HIF3A: variants seen among roughly 807,000 people sequenced by gnomAD.
The protein encoded by HIF3A is hypoxia-inducible factor 3-alpha.
In HIF3A, 41 loss-of-function variants were observed where a neutral mutation model predicts 67.2. That is an observed-to-expected ratio of 0.61 (90% confidence interval 0.48 to 0.79). The LOEUF (loss-of-function observed/expected upper bound fraction) is 0.79. HIF3A is among the 30% of genes least tolerant of loss of function. HIF3A has a pLI of 0.00. For synonymous variants in HIF3A, 356 were observed against 374.8 expected (o/e 0.95, Z 0.58); for missense variants, 855 against 898.0 (o/e 0.95, Z 0.61).
At chr19:46,308,851 G>A in intron 5 of HIF3A, 76 bp downstream of exon 5, 4 of 1,039,126 alleles carry the variant, frequency 3.8e-6, no homozygotes, top group East Asian at 2.6e-5. Context: ...GAAGGGTGCT[G>A]GAGTCCAGGC....
intron 8 of HIF3A, chr19:46,313,079 G>A (rs1441185002): frequency 9.1e-6 from 7 of 765,544 alleles, no homozygotes; most frequent in East Asian, 1.3e-4. Flanking sequence ...ACGAAATGCT[G>A]TTTCTACTAA....
chr19:46,329,648 G>C (rs1318739442), intron 12 of HIF3A, among the ~76,000 whole-genome samples, 170 bp downstream of exon 12: 2 of 152,140 alleles, frequency 1.3e-5, no homozygotes, highest in Non-Finnish European at 2.9e-5. Flanking sequence ...CTGTGCCTTT[G>C]CCTAGGCTGT....
At chr19:46,302,575 T>A (rs1471828677) in intron 1 of HIF3A, among the ~76,000 whole-genome samples, 2 of 152,186 alleles carry the variant, frequency 1.3e-5, no homozygotes, top group Non-Finnish European at 2.9e-5. Flanking sequence ...CTTCCGGCTA[T>A]AATTTTGTAT....
chr19:46,342,146 C>T lies in HIF3A; in HGVS notation c.*2524C>T, dbSNP rs1384568852. On this transcript the variant is annotated 3_prime_UTR_variant, in exon 15 of 15. Transcript: ENST00000377670. ...ACTGACTTACAAGTGCCTTCTGATT[C>T]TAGACCTCATTCCGTAAGTTCCCTT... The T allele has an allele frequency of 1.3e-5, 2 of 152,326 alleles. No individual in the cohort carries two copies. Among genetic ancestry groups the T allele is most frequent in the Admixed American group, 1.3e-4 (2 of 15,296 alleles). 9.4% of individuals were successfully genotyped at this position (152,326 alleles called of 1,614,324 possible). A position where few individuals can be genotyped will look rare whatever the true frequency, so the allele number is the denominator to read the frequency against.
chr19:46,299,061 C>G (rs1403347939), intron 1 of HIF3A, among the ~76,000 whole-genome samples: 1 of 152,254 alleles, frequency 6.6e-6, no homozygotes, highest in Non-Finnish European at 1.5e-5. Flanking sequence ...TGGGCCCCAA[C>G]CCCCATTCTC....
chr19:46,333,878 C>T (rs970871725), intron 13 of HIF3A, among the ~76,000 whole-genome samples: 1 of 146,586 alleles, frequency 6.8e-6, no homozygotes. Context: ...CTGCAAACTC[C>T]ATCTCCCGGG....
chr19:46,330,708 TG>T (rs1971146201), intron 12 of HIF3A, among the ~76,000 whole-genome samples: 1 of 144,128 alleles, frequency 6.9e-6, no homozygotes. Flanking sequence ...AATGGATTAA[TG>T]GATGGATGGA....
intron 1 of HIF3A, among the ~76,000 whole-genome samples, chr19:46,299,650 T>C (rs1459816560): frequency 7.2e-6 from 1 of 138,804 alleles, no homozygotes; most frequent in Non-Finnish European, 1.5e-5. Context: ...GCAGAGGTTG[T>C]AATGAGCCAA....
At position 46,303,947 on chromosome 19, in the gene HIF3A, C is replaced by T; in HGVS notation, c.76C>T (p.Arg26Trp). ...KEKSRDAARS[R>W]RSQETEVLYQ... ...AAAGTCCCGGGATGCGGCCCGCAGC[C>T]GGCGCAGCCAGGAGACCGAGGTGCT... The change falls in exon 2 of 15, where the codon CGG becomes TGG. Residue 26 changes from arginine (R) to tryptophan (W), a missense_variant. Coordinates refer to ENST00000377670, the MANE Select transcript of HIF3A (RefSeq NM_152795.4). The T allele has an allele frequency of 6.2e-7, 1 of 1,607,398 alleles. No homozygotes were observed. The highest frequency in any genetic ancestry group is 8.5e-7 in the Non-Finnish European group (1 of 1,177,520).
rs906333479 is a variant in HIF3A, at chr19:46,339,758, G to A, written c.*136G>A. 9 of 523,090 alleles carry A rather than the reference G, an allele frequency of 1.7e-5. No individual in the cohort carries two copies. Among genetic ancestry groups the A allele is most frequent in the South Asian group, 1.0e-4 (3 of 30,024 alleles). 32.4% of individuals were successfully genotyped at this position (523,090 alleles called of 1,614,324 possible). ...CCTCTATGTACCCCCTGCCCACCTC[G>A]GGCCTACCTCAGCCCTCACCCCTCT... On this transcript the variant is annotated 3_prime_UTR_variant, in exon 15 of 15. Coordinates refer to ENST00000377670, the MANE Select transcript of HIF3A (RefSeq NM_152795.4).
intron 11 of HIF3A, among the ~76,000 whole-genome samples, chr19:46,326,153 C>T (rs1970764377): frequency 6.6e-6 from 1 of 152,204 alleles, no homozygotes; most frequent in Admixed American, 6.5e-5. Context: ...CTTCCAAGCT[C>T]ACACACATGA....
intron 10 of HIF3A, among the ~76,000 whole-genome samples, chr19:46,324,919 T>C (rs796249945): frequency 1.1e-4 from 16 of 139,842 alleles, no homozygotes; most frequent in African/African-American, 2.8e-4. Flanking sequence ...CACACACACA[T>C]ATATATATAC....
At chr19:46,313,335 CT>C in intron 8 of HIF3A, 1 of 981,404 alleles carries the variant, frequency 1.0e-6, no homozygotes, top group Non-Finnish European at 1.2e-6. Context: ...GTCTTTTTTG[CT>C]TTTTAAATTT....
At chr19:46,316,735 A>G (rs2005875) in intron 8 of HIF3A, among the ~76,000 whole-genome samples, 125,195 of 150,538 alleles carry the variant, frequency 0.83, 52,755 homozygotes, top group Non-Finnish European at 0.9. Context: ...CCCCGGAGGC[A>G]GAGGTTGCAA....
intron 6 of HIF3A, among the ~76,000 whole-genome samples, chr19:46,311,328 C>T (rs961581682): frequency 5.3e-5 from 8 of 152,160 alleles, no homozygotes; most frequent in African/African-American, 1.7e-4. Flanking sequence ...TTGTGGCTCA[C>T]GCCTATAAAC....
Position 46,321,881 on chromosome 19 carries a change from T to G in HIF3A, c.1250T>G (p.Leu417Arg). The change falls in exon 10 of 15, where the codon CTC becomes CGC. Residue 417 changes from leucine (L) to arginine (R), a missense_variant. Physicochemically the swap from Leu to Arg is moderately radical, Grantham distance 102 (BLOSUM62 -2). Transcript: ENST00000377670. ...TTCTGCAGCCCTGACCTCCGTCGCC[T>G]CCTGGGACCCATCCTGGATGGGGCT... Reference protein sequence around the residue: ...RRFCSPDLRRLLGPILDGASV... With the variant: ...RRFCSPDLRRRLGPILDGASV... The G allele has an allele frequency of 6.2e-7, 1 of 1,613,938 alleles. No individual in the cohort carries two copies.
intron 12 of HIF3A, 126 bp downstream of exon 12, chr19:46,329,604 G>C (rs1971040819): frequency 8.3e-7 from 1 of 1,207,274 alleles, no homozygotes; most frequent in African/African-American, 1.5e-5. Context: ...CAGGCCCTCG[G>C]TGGGCCCAGC....
chr19:46,331,097 T>C, intron 12 of HIF3A, 59 bp from the exon 13 acceptor site: 2 of 1,365,086 alleles, frequency 1.5e-6, no homozygotes, highest in Non-Finnish European at 2.1e-6. Flanking sequence ...CTGCTTACAC[T>C]GTTATCCACA....
At chr19:46,315,556 T>C (rs1423371000) in intron 8 of HIF3A, among the ~76,000 whole-genome samples, 1 of 151,916 alleles carries the variant, frequency 6.6e-6, no homozygotes, top group Non-Finnish European at 1.5e-5. Flanking sequence ...ATGTTTTCAT[T>C]TCTCTTGGGT....
Sources: allele counts gnomAD v4.1 joint callset (sites outside exome capture counted in the v4.1 genomes callset), GRCh38; gene constraint gnomAD v4.1.1; transcripts MANE v1.5; gene names NCBI Gene and HGNC (gene_info 2026-07-23, HGNC 2026-07-21).